The following XPO1 variants were observed in gnomAD, a reference collection of about 807,000 sequenced individuals.
XPO1 encodes the protein exportin 1.
In XPO1, 5 loss-of-function variants were observed where a neutral mutation model predicts 133.3. The ratio of observed to expected loss-of-function variants is 0.04; its 90% CI spans 0.02 to 0.08. The LOEUF is 0.08. Ranked by LOEUF, XPO1 falls within the 10% of genes least tolerant of loss-of-function variation. The pLI is 1.00. For synonymous variants in XPO1, 419 were observed against 408.2 expected (o/e 1.03, Z -0.32); for missense variants, 506 against 1,267.5 (o/e 0.40, Z 9.12).
At chr2:61,536,170 T>C (rs1195189555) in intron 1 of XPO1, 1 of 152,232 alleles carries the variant, frequency 6.6e-6, no homozygotes, top group Non-Finnish European at 1.5e-5. Flanking sequence ...TTGCCATCCT[T>C]AGAACTAGCG....
intron 17 of XPO1, among the ~76,000 whole-genome samples, chr2:61,490,387 C>CG (rs1696920915): frequency 6.6e-6 from 1 of 151,756 alleles, no homozygotes. Flanking sequence ...TTAGTAGAGA[C>CG]GGGGTTTTGC....
Position 61,492,859 on chromosome 2 carries a change from T to C in XPO1, c.1384+56A>G. 6.4e-7 allele frequency: 1 copy of C among 1,561,094 alleles called. No individual in the cohort carries two copies. The highest frequency in any genetic ancestry group is 8.7e-7 in the Non-Finnish European group (1 of 1,153,528). ...CTACAAGTACATTTCCTAAAATGTA[T>C]TTCCACCCCAGAATAGATTTATAAA... On this transcript the variant is annotated intron_variant, in intron 13 of 24. Transcript: ENST00000401558. This position sits in a 1 kb window ranked among gnomAD's most constrained non-coding sequence, Gnocchi z 5.6.
rs553227128 is a variant in XPO1 at position 61,521,422 on chromosome 2, A to C, written c.301+1189T>G. ...TATCATGTGCCCCATAATAAAGTCA[A>C]GAAAAAAATTTCTATTTTTCAGAGA... On this transcript the variant is annotated intron_variant, in intron 4 of 24. Transcript: ENST00000401558. Among the ~76,000 whole-genome samples the C allele has an allele frequency of 3.9e-5, 6 of 152,350 alleles. No individual in the cohort carries two copies. The South Asian group carries it at 1.2e-3, about 32-fold the overall frequency.
chr2:61,483,059 C>T lies in XPO1; in HGVS notation c.2710G>A (p.Val904Ile). 1 of 1,613,452 alleles carries T rather than the reference C, an allele frequency of 6.2e-7. No individual in the cohort carries two copies. Among genetic ancestry groups the T allele is most frequent in the East Asian group, 2.2e-5 (1 of 44,874 alleles). ...LQILFTLLQN[V>I]AQEEAAAQSF... ...TGAGCTGCAGCTTCTTCTTGTGCAA[C>T]ATTTTGTAAGAGTGTAAAAAGTATC... Residue 904 changes from valine to isoleucine, a missense_variant, in exon 22 of 25, where the codon GTT (valine) becomes ATT (isoleucine). Coordinates refer to ENST00000401558, the MANE Select transcript of XPO1 (RefSeq NM_003400.4).
At chr2:61,493,386 G>T (rs563699136) in intron 12 of XPO1, 48 of 200,370 alleles carry the variant, frequency 2.4e-4, no homozygotes, top group Non-Finnish European at 4.2e-4. Flanking sequence ...GTGTGTGCCT[G>T]CAACCAATTA....
intron 4 of XPO1, among the ~76,000 whole-genome samples, chr2:61,507,284 C>A (rs1418780315): frequency 2.2e-5 from 3 of 137,970 alleles, no homozygotes; most frequent in Non-Finnish European, 3.2e-5. Context: ...ATACAAAAAT[C>A]AAAAACAAGT....
At chr2:61,491,883 GAGTA>G in intron 16 of XPO1, 148 bp downstream of exon 16, 1 of 976,610 alleles carries the variant, frequency 1.0e-6, no homozygotes. Flanking sequence ...CTGGGCAACA[GAGTA>G]AGACCCTGTC....
intron 4 of XPO1, among the ~76,000 whole-genome samples, chr2:61,520,873 C>T (rs1256321325): frequency 4.6e-5 from 7 of 152,032 alleles, no homozygotes; most frequent in African/African-American, 9.7e-5. Flanking sequence ...TTTCTTGGTA[C>T]GGCAGACCAT....
At chr2:61,484,311 T>C (rs1215954508) in intron 20 of XPO1, 2 of 493,262 alleles carry the variant, frequency 4.1e-6, no homozygotes, top group South Asian at 5.6e-5. Context: ...ACATGAGTTA[T>C]CAAATTGAAG....
At position 61,478,986 on chromosome 2, in the gene XPO1, A is replaced by G. The variant is rs976266980; in HGVS notation, c.3070-20T>C. ...AAATTCCTGTGAAAACAGATAGTTG[A>G]AATGTCAACGCAATAAACTTCAACT... On this transcript the variant is annotated intron_variant, in intron 24 of 24. Transcript: ENST00000401558. 1 of 1,606,102 alleles carries G rather than the reference A, an allele frequency of 6.2e-7. No individual in the cohort carries two copies. Among genetic ancestry groups the G allele is most frequent in the African/African-American group, 1.3e-5 (1 of 74,618 alleles).
At chr2:61,482,692 G>T in intron 22 of XPO1, 153 bp from the exon 23 acceptor site, 1 of 810,356 alleles carries the variant, frequency 1.2e-6, no homozygotes, top group Non-Finnish European at 1.8e-6. Context: ...TGCAACCTCT[G>T]CCTCCTCGGT....
intron 23 of XPO1, among the ~76,000 whole-genome samples, chr2:61,482,059 C>CTTTTTTTTTTTTTTTTTTT (rs1273871116): frequency 9.6e-3 from 392 of 40,970 alleles, no homozygotes; most frequent in Non-Finnish European, 0.012. Context: ...TTTTTTTTTG[C>CTTTTTTTTTTTTTTTTTTT]TTTTTTAAAG....
chr2:61,513,981 G>A (rs1437051108), intron 4 of XPO1, among the ~76,000 whole-genome samples: 1 of 151,974 alleles, frequency 6.6e-6, no homozygotes, highest in Non-Finnish European at 1.5e-5. Flanking sequence ...TCAGGAGATA[G>A]AGACCAGCGT....
At chr2:61,495,679 A>C (rs998225158) in intron 10 of XPO1, 66 bp from the exon 11 acceptor site, 1 of 1,411,074 alleles carries the variant, frequency 7.1e-7, no homozygotes, top group Non-Finnish European at 9.4e-7. Flanking sequence ...TTAATATTTT[A>C]TTATTATTTT....
At chr2:61,529,301 C>A (rs1699050581) in intron 2 of XPO1, among the ~76,000 whole-genome samples, 1 of 152,212 alleles carries the variant, frequency 6.6e-6, no homozygotes, top group Non-Finnish European at 1.5e-5. Flanking sequence ...ACTCTCACAA[C>A]CATTTCTGAC....
At chr2:61,516,492 G>A (rs560393667) in intron 4 of XPO1, among the ~76,000 whole-genome samples, 77 of 151,902 alleles carry the variant, frequency 5.1e-4, no homozygotes, top group African/African-American at 1.7e-3. Context: ...TCAGCTCACC[G>A]CGACCTCTGC....
intron 18 of XPO1, 147 bp from the exon 19 acceptor site, chr2:61,488,418 C>T: frequency 3.3e-6 from 4 of 1,196,318 alleles, no homozygotes; most frequent in Non-Finnish European, 4.7e-6. Context: ...AGCTTTAAGA[C>T]TAATTTTAAA....
intron 9 of XPO1, among the ~76,000 whole-genome samples, chr2:61,497,293 A>G (rs1697286479): frequency 1.3e-5 from 2 of 151,960 alleles, no homozygotes; most frequent in Admixed American, 1.3e-4. Context: ...GCTCACTGCA[A>G]CCTCACCTCT....
intron 1 of XPO1, among the ~76,000 whole-genome samples, chr2:61,535,531 A>G (rs1476823393): frequency 6.6e-6 from 1 of 152,254 alleles, no homozygotes; most frequent in Non-Finnish European, 1.5e-5. Flanking sequence ...GCTATTTTAT[A>G]ACAGCTTAAA....
Sources: gnomAD v4.1 joint callset for allele counts (sites outside exome capture counted in the v4.1 genomes callset) on GRCh38, gnomAD v4.1.1 for gene constraint, Gnocchi (gnomAD v3.1) non-coding constraint, MANE v1.5 for transcripts, NCBI Gene and HGNC (gene_info 2026-07-23, HGNC 2026-07-21) for gene names.